GPR158: variants seen among roughly 807,000 people sequenced by gnomAD.
GPR158 encodes the protein metabotropic glycine receptor.
A neutral mutation model predicts 78.2 loss-of-function variants in GPR158; 30 were observed. That is an observed-to-expected ratio of 0.38 (90% CI 0.29 to 0.52). The LOEUF (loss-of-function observed/expected upper bound fraction) is 0.52, where lower values mean the gene tolerates loss of function less well. GPR158 is among the 20% of genes least tolerant of loss of function. The pLI is 0.83. For missense variants in GPR158, 1,463 were observed against 1,523.5 expected (o/e 0.96, Z 0.66); for synonymous variants, 581 against 591.1 (o/e 0.98, Z 0.25).
At chr10:25,529,623 T>C (rs375549395) in intron 5 of GPR158, among the ~76,000 whole-genome samples, 3 of 152,112 alleles carry the variant, frequency 2.0e-5, no homozygotes, top group African/African-American at 7.2e-5. Flanking sequence ...AATATAAAGG[T>C]TACTAATAAA....
chr10:25,567,821 T>C (rs1836952042), intron 6 of GPR158, among the ~76,000 whole-genome samples: 1 of 152,098 alleles, frequency 6.6e-6, no homozygotes, highest in South Asian at 2.1e-4. Context: ...AAAGACCATG[T>C]TGTCCATCGT....
Position 25,531,474 on chromosome 10 carries a change from A to C in GPR158, c.1405-19502A>C, listed in dbSNP as rs142755693. On this transcript the variant is annotated intron_variant, in intron 5 of 10. Coordinates refer to ENST00000376351, the MANE Select transcript of GPR158 (RefSeq NM_020752.3). ...TACTGTTTACTGACAAATCTGAAAA[A>C]GTTTTATGGCAACCTATAGTTACAC... Among the ~76,000 whole-genome samples, 38 of 152,318 alleles carry C rather than the reference A, an allele frequency of 2.5e-4. 2 individuals carry two copies. The highest frequency in any genetic ancestry group is 8.9e-4 in the African/African-American group (37 of 41,562).
intron 3 of GPR158, among the ~76,000 whole-genome samples, chr10:25,399,825 G>A (rs1398760485): frequency 6.6e-6 from 1 of 151,946 alleles, no homozygotes; most frequent in East Asian, 1.9e-4. Context: ...TAATTTATTA[G>A]GCCTCTTCAT....
intron 4 of GPR158, among the ~76,000 whole-genome samples, chr10:25,456,045 T>C (rs1351598304): frequency 1.3e-5 from 2 of 152,186 alleles, no homozygotes; most frequent in Non-Finnish European, 1.5e-5. Flanking sequence ...CCTGTTTTCA[T>C]CATCTTTGCA....
At chr10:25,424,169 A>G (rs1326339272) in intron 4 of GPR158, among the ~76,000 whole-genome samples, 1 of 152,180 alleles carries the variant, frequency 6.6e-6, no homozygotes, top group Non-Finnish European at 1.5e-5. Context: ...TGTTGGCTGC[A>G]TAAATGTCTT....
intron 2 of GPR158, among the ~76,000 whole-genome samples, chr10:25,288,638 A>G (rs1365551484): frequency 2.0e-5 from 3 of 152,214 alleles, no homozygotes; most frequent in African/African-American, 7.2e-5. Context: ...ATTAACTTAT[A>G]TATGTCCAAG....
intron 5 of GPR158, among the ~76,000 whole-genome samples, chr10:25,483,137 A>G (rs959495130): frequency 2.0e-5 from 3 of 151,998 alleles, no homozygotes; most frequent in African/African-American, 7.3e-5. Flanking sequence ...ACACAGTAGC[A>G]AGAAATCCTT....
intron 2 of GPR158, among the ~76,000 whole-genome samples, chr10:25,295,922 C>T (rs894632810): frequency 6.6e-6 from 1 of 152,026 alleles, no homozygotes; most frequent in Non-Finnish European, 1.5e-5. Context: ...CTGAATCCCC[C>T]GTTAAGAAGT....
At chr10:25,369,953 G>A (rs373158494) in intron 2 of GPR158, among the ~76,000 whole-genome samples, 9 of 148,008 alleles carry the variant, frequency 6.1e-5, no homozygotes, top group East Asian at 4.0e-4. Flanking sequence ...GTTTATTTGC[G>A]TAGAGGTGTT....
At chr10:25,361,673 T>C (rs1855643242) in intron 2 of GPR158, among the ~76,000 whole-genome samples, 1 of 151,994 alleles carries the variant, frequency 6.6e-6, no homozygotes, top group Non-Finnish European at 1.5e-5. Context: ...TGATTTGCAT[T>C]TCCCTGATGA....
At chr10:25,574,170 A>C (rs1837055246) in intron 7 of GPR158, among the ~76,000 whole-genome samples, 1 of 136,186 alleles carries the variant, frequency 7.3e-6, no homozygotes, top group African/African-American at 2.6e-5. Flanking sequence ...AAAAAAAAAA[A>C]AACCTCAAAA....
chr10:25,227,079 C>T (rs532016170), intron 2 of GPR158, among the ~76,000 whole-genome samples: 3 of 152,086 alleles, frequency 2.0e-5, no homozygotes, highest in East Asian at 1.9e-4. Flanking sequence ...TAATAGAAAC[C>T]GATGGTATTT....
At chr10:25,317,756 T>C (rs927791679) in intron 2 of GPR158, among the ~76,000 whole-genome samples, 3 of 145,528 alleles carry the variant, frequency 2.1e-5, no homozygotes, top group African/African-American at 8.2e-5. Context: ...TGAGACAGAG[T>C]CTCGCTTCTT....
intron 5 of GPR158, among the ~76,000 whole-genome samples, chr10:25,482,766 G>A (rs758291310): frequency 4.6e-5 from 7 of 152,080 alleles, no homozygotes; most frequent in Non-Finnish European, 8.8e-5. Flanking sequence ...TCTACATGGA[G>A]TCTGATAGAC....
intron 2 of GPR158, among the ~76,000 whole-genome samples, chr10:25,328,218 C>A (rs1410413681): frequency 6.6e-6 from 1 of 151,954 alleles, no homozygotes; most frequent in Non-Finnish European, 1.5e-5. Flanking sequence ...ACATAGATGC[C>A]AAGGAATCCT....
intron 2 of GPR158, among the ~76,000 whole-genome samples, chr10:25,250,585 A>G (rs1039859304): frequency 6.7e-6 from 1 of 149,440 alleles, no homozygotes; most frequent in Non-Finnish European, 1.5e-5. Context: ...GTAGTCATTC[A>G]GGAGCAGGTT....
chr10:25,390,442 T>C (rs967590134), intron 2 of GPR158, among the ~76,000 whole-genome samples: 1 of 152,174 alleles, frequency 6.6e-6, no homozygotes, highest in African/African-American at 2.4e-5. Context: ...AAGGAACTTT[T>C]TGGGAACTGG....
rs369542883 is a variant in GPR158, at chr10:25,597,964, G to C, written c.2338G>C (p.Gly780Arg). 6 of 1,613,946 alleles carry C rather than the reference G, an allele frequency of 3.7e-6. No individual in the cohort carries two copies. Among genetic ancestry groups the C allele is most frequent in the Non-Finnish European group, 5.1e-6 (6 of 1,179,984 alleles). The change falls in exon 11 of 11, where the codon GGC (glycine) becomes CGC (arginine). Residue 780 changes from glycine to arginine, a missense_variant. Coordinates refer to ENST00000376351, the MANE Select transcript of GPR158 (RefSeq NM_020752.3). ...AGAGGACAAGGAGGGCGCCGACCAT[G>C]GCACAGCCAAAGGCACTGCCCTCAT... ...SKEDKEGADH[G>R]TAKGTALIRK... is the part of the protein sequence containing the mutation.
chr10:25,196,673 C>G (rs1852849172), intron 1 of GPR158, among the ~76,000 whole-genome samples: 1 of 152,162 alleles, frequency 6.6e-6, no homozygotes, highest in Admixed American at 6.5e-5. Context: ...AGTCTCTGCC[C>G]CACCCTGGAC....
Sources: gnomAD v4.1 joint callset for allele counts (sites outside exome capture counted in the v4.1 genomes callset) on GRCh38, gnomAD v4.1.1 for gene constraint, MANE v1.5 for transcripts, NCBI Gene and HGNC (gene_info 2026-07-23, HGNC 2026-07-21) for gene names.